BBX: variants seen among roughly 807,000 people sequenced by gnomAD.
The protein encoded by BBX is HMG box transcription factor BBX.
BBX carries 30 observed loss-of-function variants against 100.2 expected under a neutral mutation model. That is an observed-to-expected ratio of 0.30 (90% CI 0.22 to 0.41). The LOEUF is 0.41. Ranked by LOEUF, BBX falls within the 10% of genes least tolerant of loss-of-function variation. BBX has a pLI of 1.00. For synonymous variants in BBX, 376 were observed against 388.1 expected (o/e 0.97, Z 0.37); for missense variants, 1,023 against 1,129.8 (o/e 0.91, Z 1.35).
chr3:107,805,663 A>T lies in BBX; in HGVS notation c.*206A>T. 1 of 906,380 alleles carries T rather than the reference A, an allele frequency of 1.1e-6. No individual in the cohort carries two copies. The allele number at this position is 906,380 out of a possible 1,614,324, so 56.1% of individuals were successfully genotyped here. A position where few individuals can be genotyped will look rare whatever the true frequency, so the allele number is the denominator to read the frequency against. ...ACCCAGAATCTTTGAGGGTAAGGTT[A>T]TCTGTCTGATACTGAGCAGAAACAG... On this transcript the variant is annotated 3_prime_UTR_variant, in exon 18 of 18. Transcript: ENST00000325805.
At chr3:107,550,838 T>C (rs759490242) in intron 2 of BBX, among the ~76,000 whole-genome samples, 2 of 152,128 alleles carry the variant, frequency 1.3e-5, no homozygotes, top group African/African-American at 4.8e-5. Context: ...AGGGTGGCCA[T>C]AGGGACTATA....
Position 107,801,186 on chromosome 3 carries a change from G to A in BBX, c.2643G>A (p.Gly881=). The change falls in exon 17 of 18, where the codon GGG becomes GGA. Residue 881 remains glycine, a synonymous_variant. Transcript: ENST00000325805. ...NDKCSHNTEV[G]ETRSSTPEMP... ...AATGCTCACACAACACCGAGGTCGGGGAGACGCGGAGCAGTACTCCAGAAA... is the reference window on the plus strand; with the variant it reads ...AATGCTCACACAACACCGAGGTCGGAGAGACGCGGAGCAGTACTCCAGAAA... The A allele has an allele frequency of 1.9e-6, 3 of 1,614,200 alleles. No homozygotes were observed. Among genetic ancestry groups the A allele is most frequent in the Non-Finnish European group, 2.5e-6 (3 of 1,180,036 alleles).
At chr3:107,663,876 G>A (rs1206908221) in intron 3 of BBX, among the ~76,000 whole-genome samples, 1 of 150,850 alleles carries the variant, frequency 6.6e-6, no homozygotes, top group East Asian at 1.9e-4. Flanking sequence ...TGCCATCTCG[G>A]CTCACTGCAA....
At chr3:107,761,496 G>A (rs1047210023) in intron 10 of BBX, among the ~76,000 whole-genome samples, 3 of 152,102 alleles carry the variant, frequency 2.0e-5, no homozygotes, top group African/African-American at 4.8e-5. Context: ...CAGTGGGAAC[G>A]GGAGACAGAA....
intron 2 of BBX, among the ~76,000 whole-genome samples, chr3:107,613,589 C>T (rs2055012170): frequency 6.6e-6 from 1 of 151,730 alleles, no homozygotes; most frequent in South Asian, 2.1e-4. Flanking sequence ...TTAGTTAATT[C>T]TTGAGTGGTA....
intron 3 of BBX, chr3:107,659,908 T>C (rs2058356576): frequency 2.7e-6 from 1 of 374,154 alleles, no homozygotes; most frequent in South Asian, 2.5e-5. Flanking sequence ...ATTCCCTTCG[T>C]TGAAGTAGTA....
At chr3:107,791,105 GTAAT>G (rs2068973304) in intron 14 of BBX, 131 bp from the exon 15 acceptor site, 4 of 623,772 alleles carry the variant, frequency 6.4e-6, no homozygotes, top group Non-Finnish European at 1.1e-5. Context: ...TAAGAATTAA[GTAAT>G]TGACATAAAA....
intron 3 of BBX, among the ~76,000 whole-genome samples, chr3:107,656,393 T>C (rs1228360215): frequency 6.6e-6 from 1 of 152,208 alleles, no homozygotes; most frequent in African/African-American, 2.4e-5. Flanking sequence ...TGGTTCCTTC[T>C]AAAAGCTGCT....
intron 5 of BBX, among the ~76,000 whole-genome samples, chr3:107,719,024 G>A (rs187134265): frequency 6.6e-6 from 1 of 152,086 alleles, no homozygotes; most frequent in African/African-American, 2.4e-5. Flanking sequence ...TAATTGTGCT[G>A]GTGCTTTTTG....
At chr3:107,716,312 A>G (rs1322980245) in intron 4 of BBX, 1 of 281,062 alleles carries the variant, frequency 3.6e-6, no homozygotes, top group African/African-American at 2.2e-5. Flanking sequence ...TTTGTCCTCA[A>G]AGAGCTCACT....
intron 2 of BBX, among the ~76,000 whole-genome samples, chr3:107,594,285 C>A (rs1488637973): frequency 6.6e-6 from 1 of 152,144 alleles, no homozygotes; most frequent in African/African-American, 2.4e-5. Flanking sequence ...TTCATCCATT[C>A]CGCTGCACAT....
intron 3 of BBX, chr3:107,662,775 G>C (rs1297763017): frequency 6.6e-6 from 1 of 151,368 alleles, no homozygotes; most frequent in Admixed American, 6.6e-5. Context: ...AGCTGTACTA[G>C]CTTTTAAACG....
intron 17 of BBX, among the ~76,000 whole-genome samples, chr3:107,803,922 CT>C (rs2070794255): frequency 6.9e-6 from 1 of 145,606 alleles, no homozygotes; most frequent in South Asian, 2.2e-4. Context: ...TTCTTGCCAT[CT>C]TTTTTTACAT....
intron 2 of BBX, among the ~76,000 whole-genome samples, chr3:107,538,235 G>A (rs548161578): frequency 5.3e-5 from 8 of 152,204 alleles, no homozygotes; most frequent in African/African-American, 9.6e-5. Context: ...GATAATCTCT[G>A]CATGAGCGAT....
At chr3:107,562,108 G>T (rs1297951737) in intron 2 of BBX, among the ~76,000 whole-genome samples, 2 of 152,126 alleles carry the variant, frequency 1.3e-5, no homozygotes, top group African/African-American at 2.4e-5. Flanking sequence ...CTAAGCCATG[G>T]TTTCATGATT....
intron 2 of BBX, among the ~76,000 whole-genome samples, chr3:107,588,051 C>A (rs1459222258): frequency 6.6e-6 from 1 of 152,068 alleles, no homozygotes; most frequent in Non-Finnish European, 1.5e-5. Context: ...TATTTTTTTA[C>A]CTGTTTGTTT....
At chr3:107,763,726 A>G (rs1364616224) in intron 10 of BBX, among the ~76,000 whole-genome samples, 2 of 152,188 alleles carry the variant, frequency 1.3e-5, no homozygotes, top group Admixed American at 6.5e-5. Context: ...TCTAACATGC[A>G]CATCCTTAGG....
rs1483466327 is a variant in BBX, at chr3:107,631,150, A to G, written c.-83-14686A>G. Among the ~76,000 whole-genome samples, 2 of 152,178 alleles carry G rather than the reference A, an allele frequency of 1.3e-5. 1 individual carries two copies. Among genetic ancestry groups the G allele is most frequent in the Non-Finnish European group, 2.9e-5 (2 of 68,030 alleles). ...AACTGTTTAGCTTGCTGCTCATCCT[A>G]ATCACCTGGACAGGAGTCTTTTCCA... On this transcript the variant is annotated intron_variant, in intron 2 of 17. Coordinates refer to ENST00000325805, the MANE Select transcript of BBX (RefSeq NM_001142568.3).
chr3:107,538,513 G>A (rs1210426859), intron 2 of BBX, among the ~76,000 whole-genome samples: 1 of 151,994 alleles, frequency 6.6e-6, no homozygotes, highest in African/African-American at 2.4e-5. Context: ...TAGGATGATC[G>A]ATACTTTTCT....
Sources: gnomAD v4.1 joint callset for allele counts (sites outside exome capture counted in the v4.1 genomes callset) on GRCh38, gnomAD v4.1.1 for gene constraint, MANE v1.5 for transcripts, NCBI Gene and HGNC (gene_info 2026-07-23, HGNC 2026-07-21) for gene names.